The following STK32C variants were observed in gnomAD, a reference collection of about 807,000 sequenced individuals.
STK32C encodes serine/threonine-protein kinase 32C.
A neutral mutation model predicts 56.5 loss-of-function variants in STK32C; 31 were observed. That is an observed-to-expected ratio of 0.55 (90% CI 0.41 to 0.74). The LOEUF (loss-of-function observed/expected upper bound fraction) is 0.74. Among genes scored for constraint, STK32C ranks in the 30% least tolerant of loss-of-function variants. The pLI, the probability that STK32C is intolerant of heterozygous loss-of-function variation, is 0.00. For missense variants in STK32C, 544 were observed against 676.9 expected, an observed-to-expected ratio of 0.80 and a Z score of 2.18; for synonymous variants, 309 against 289.4, an observed-to-expected ratio of 1.07 and a Z score of -0.69.
chr10:132,284,070 A>G (rs1482669216), intron 1 of STK32C, among the ~76,000 whole-genome samples: 1 of 151,842 alleles, frequency 6.6e-6, no homozygotes, highest in African/African-American at 2.4e-5. Context: ...AGCGCATCCC[A>G]CAGCCTCTGA....
At chr10:132,306,054 G>C (rs554104474) in intron 1 of STK32C, among the ~76,000 whole-genome samples, 2 of 152,282 alleles carry the variant, frequency 1.3e-5, no homozygotes, top group Admixed American at 1.3e-4. Flanking sequence ...TGCTCTTTTT[G>C]CCTTTCTAGT....
chr10:132,316,006 A>C (rs1446099719), intron 1 of STK32C, among the ~76,000 whole-genome samples: 3 of 152,218 alleles, frequency 2.0e-5, no homozygotes, highest in African/African-American at 7.2e-5. Context: ...TAAAACCCAA[A>C]CTAATAAAAT....
chr10:132,264,926 C>T (rs2064447522), intron 1 of STK32C, among the ~76,000 whole-genome samples: 1 of 152,250 alleles, frequency 6.6e-6, no homozygotes, highest in Admixed American at 6.5e-5. Flanking sequence ...GTTAAATTCA[C>T]AAAAGTTCAA....
At chr10:132,304,830 G>A (rs2066009228) in intron 1 of STK32C, among the ~76,000 whole-genome samples, 2 of 152,254 alleles carry the variant, frequency 1.3e-5, no homozygotes. Flanking sequence ...CAGCCTGCAA[G>A]GGCCTGTCCA....
chr10:132,324,271 C>T (rs972488426), exon 2 of STK32C: 3 of 779,782 alleles, frequency 3.8e-6, no homozygotes, highest in Non-Finnish European at 7.2e-6. Context: ...GAACACACCC[C>T]CAGCTTTTTC....
chr10:132,331,888 C>T (rs368172958), upstream of STK32C: 6 of 1,059,226 alleles, frequency 5.7e-6, no homozygotes, highest in Non-Finnish European at 8.0e-6. Context: ...CGCACCACCC[C>T]CTGCCACCCC....
chr10:132,325,181 T>C (rs2066471951), intron 1 of STK32C, among the ~76,000 whole-genome samples: 1 of 152,146 alleles, frequency 6.6e-6, no homozygotes, highest in African/African-American at 2.4e-5. Context: ...GGGAGGTAAC[T>C]GAATCATGGG....
At chr10:132,303,388 T>C (rs1300111718) in intron 1 of STK32C, among the ~76,000 whole-genome samples, 3 of 152,342 alleles carry the variant, frequency 2.0e-5, no homozygotes, top group Admixed American at 6.5e-5. Flanking sequence ...AGGACTGCTG[T>C]CACATAAAGG....
intron 1 of STK32C, among the ~76,000 whole-genome samples, chr10:132,280,638 G>A (rs76991904): frequency 9.8e-5 from 9 of 91,380 alleles, no homozygotes; most frequent in Admixed American, 5.1e-4. Context: ...CCGTGATCAC[G>A]ACACTCCACT....
intron 2 of STK32C, among the ~76,000 whole-genome samples, chr10:132,229,165 T>C (rs2063006027): frequency 6.6e-6 from 1 of 152,226 alleles, no homozygotes; most frequent in Admixed American, 6.5e-5. Context: ...AGCTAACCCC[T>C]GTCTGACACT....
At chr10:132,286,209 GACA>G (rs1222170258) in intron 1 of STK32C, among the ~76,000 whole-genome samples, 3 of 151,422 alleles carry the variant, frequency 2.0e-5, no homozygotes, top group Non-Finnish European at 4.4e-5. Context: ...TTCCTTGAAA[GACA>G]CAAATTATCA....
intron 11 of STK32C, 120 bp from the exon 12 acceptor site, chr10:132,208,271 A>G (rs1219274856): frequency 6.0e-6 from 7 of 1,168,428 alleles, no homozygotes; most frequent in Non-Finnish European, 7.6e-6. Context: ...CGTGGGCCAC[A>G]GGCTCGGTGT....
downstream of STK32C, among the ~76,000 whole-genome samples, chr10:132,323,316 G>A (rs1280336568): frequency 3.3e-5 from 5 of 152,146 alleles, no homozygotes; most frequent in South Asian, 2.1e-4. The surrounding 1 kb of genome is among the most constrained non-coding windows in gnomAD (Gnocchi z 4.8). Flanking sequence ...GCTTGCCCTT[G>A]GCTTCCTGGT....
intron 10 of STK32C, among the ~76,000 whole-genome samples, chr10:132,209,583 G>C (rs955462168): frequency 3.3e-5 from 5 of 152,116 alleles, no homozygotes; most frequent in African/African-American, 1.2e-4. Flanking sequence ...GGCTGCCCCT[G>C]GCAGGACCCA....
intron 1 of STK32C, among the ~76,000 whole-genome samples, chr10:132,270,192 C>T (rs2064770264): frequency 6.6e-6 from 1 of 152,242 alleles, no homozygotes; most frequent in Non-Finnish European, 1.5e-5. Flanking sequence ...CAGGGATGTC[C>T]AGGCCCCAGT....
upstream of STK32C, among the ~76,000 whole-genome samples, chr10:132,311,798 G>A (rs1037445883): frequency 6.6e-6 from 1 of 152,166 alleles, no homozygotes; most frequent in Non-Finnish European, 1.5e-5. This position sits in a 1 kb window ranked among gnomAD's most constrained non-coding sequence, Gnocchi z 4.4. Context: ...CCTACTCCAG[G>A]ATGATATCAT....
chr10:132,209,564 G>A (rs764781641), intron 10 of STK32C, among the ~76,000 whole-genome samples: 1 of 152,212 alleles, frequency 6.6e-6, no homozygotes, highest in Non-Finnish European at 1.5e-5. Flanking sequence ...GGGCAAGCTT[G>A]TGGACGGAGG....
At chr10:132,264,859 T>C (rs35057409) in intron 1 of STK32C, among the ~76,000 whole-genome samples, 36,285 of 152,248 alleles carry the variant, frequency 0.24, 5,018 homozygotes, top group Non-Finnish European at 0.33. Flanking sequence ...TAAAAAATCA[T>C]GTGAATAAAT....
chr10:132,310,650 C>T (rs551913235), upstream of STK32C, among the ~76,000 whole-genome samples: 3 of 152,306 alleles, frequency 2.0e-5, no homozygotes, highest in African/African-American at 4.8e-5. The surrounding 1 kb of genome is among the most constrained non-coding windows in gnomAD (Gnocchi z 4.6). Flanking sequence ...TGCCCGGGAA[C>T]GTCAACTTCA....
Sources: allele counts gnomAD v4.1 joint callset (sites outside exome capture counted in the v4.1 genomes callset), GRCh38; gene constraint gnomAD v4.1.1; non-coding constraint Gnocchi (gnomAD v3.1); transcripts MANE v1.5; gene names NCBI Gene and HGNC (gene_info 2026-07-23, HGNC 2026-07-21).